The following NKD1 variants were observed in gnomAD, a reference collection of about 807,000 sequenced individuals.
NKD1 encodes the protein protein naked cuticle homolog 1.
A neutral mutation model predicts 56.0 loss-of-function variants in NKD1; 21 were observed. That is an observed-to-expected ratio of 0.38 (90% confidence interval 0.27 to 0.54). NKD1 has a LOEUF of 0.54. Among genes scored for constraint, NKD1 ranks in the 20% least tolerant of loss-of-function variants. NKD1 has a pLI of 0.82. For synonymous variants in NKD1, 263 were observed against 265.7 expected (o/e 0.99, Z 0.10); for missense variants, 578 against 642.7 (o/e 0.90, Z 1.09).
chr16:50,551,456 G>T (rs1319168013), intron 3 of NKD1, among the ~76,000 whole-genome samples: 1 of 152,254 alleles, frequency 6.6e-6, no homozygotes, highest in African/African-American at 2.4e-5. Flanking sequence ...CATGTGTCAG[G>T]TGGTTGGAGG....
rs943306167 is a variant in NKD1, at chr16:50,633,208, C to T, written c.840C>T (p.Ala280=). The T allele has an allele frequency of 1.2e-5, 20 of 1,607,352 alleles. No individual in the cohort carries two copies. Among genetic ancestry groups the T allele is most frequent in the Non-Finnish European group, 1.7e-5 (20 of 1,175,492 alleles). ...SQFGPGSPSV[A]QKSELPPRTS... Reference sequence around the variant, plus strand: ...GGTTCCTAGGCTCCCCTTCCGTGGCCCAGAAGTCAGAACTGCCCCCCCGCA... The same window carrying T: ...GGTTCCTAGGCTCCCCTTCCGTGGCTCAGAAGTCAGAACTGCCCCCCCGCA... Residue 280 remains alanine, a synonymous_variant, in exon 10 of 10, where the codon GCC becomes GCT. Transcript: ENST00000268459. This position sits in a 1 kb window ranked among gnomAD's most constrained non-coding sequence, Gnocchi z 4.9.
Position 50,646,133 on chromosome 16 carries a change from CA to C in NKD1, c.*12353del, listed in dbSNP as rs1315235394. The C allele has an allele frequency of 1.4e-4, 10 of 72,596 alleles. No homozygotes were observed. Among genetic ancestry groups the C allele is most frequent in the African/African-American group, 5.6e-4 (10 of 17,728 alleles). The allele number at this position is 72,596 out of a possible 1,614,324, so 4.5% of individuals were successfully genotyped here. A position where few individuals can be genotyped will look rare whatever the true frequency, so the allele number is the denominator to read the frequency against. On this transcript the variant is annotated 3_prime_UTR_variant, in exon 10 of 10. Coordinates refer to ENST00000268459, the MANE Select transcript of NKD1 (RefSeq NM_033119.5). ...GCTAACGGGGGCGGGGGAAGGGGGCCAGGGGGCGGCCGAAACTCTATTAGGC... is the reference window on the plus strand; with the variant it reads ...GCTAACGGGGGCGGGGGAAGGGGGCCGGGGGCGGCCGAAACTCTATTAGGC...
chr16:50,600,735 C>G (rs1048790808), intron 3 of NKD1, among the ~76,000 whole-genome samples: 3 of 152,164 alleles, frequency 2.0e-5, no homozygotes, highest in Non-Finnish European at 2.9e-5. Context: ...CAACCCGTCT[C>G]TAGGGATTAT....
Position 50,598,454 on chromosome 16 carries a change from G to A in NKD1, c.193-9840G>A, listed in dbSNP as rs986451667. On this transcript the variant is annotated intron_variant, in intron 3 of 9. Coordinates refer to ENST00000268459, the MANE Select transcript of NKD1 (RefSeq NM_033119.5). The surrounding 1 kb of genome is among the most constrained non-coding windows in gnomAD (Gnocchi z 4.2). ...GTCCCCAAGCCCCTTCCCTGGGCAG[G>A]AGCACACATCCTTTCCCCACAGTGA... Among the ~76,000 whole-genome samples the A allele has an allele frequency of 7.2e-5, 11 of 152,180 alleles. 1 individual carries two copies. Among genetic ancestry groups the A allele is most frequent in the Admixed American group, 4.6e-4 (7 of 15,292 alleles).
At chr16:50,602,230 C>G (rs1961612449) in intron 3 of NKD1, among the ~76,000 whole-genome samples, 1 of 152,124 alleles carries the variant, frequency 6.6e-6, no homozygotes, top group South Asian at 2.1e-4. Context: ...GAACTTGAGG[C>G]CCAGAAAATG....
At chr16:50,581,521 T>A (rs78867512) in intron 3 of NKD1, among the ~76,000 whole-genome samples, 4,970 of 152,348 alleles carry the variant, frequency 0.033, 135 homozygotes, top group Admixed American at 0.079. Flanking sequence ...CCTGCTATTA[T>A]GTCAGAGGCA....
At chr16:50,603,993 G>A (rs902143920) in intron 3 of NKD1, among the ~76,000 whole-genome samples, 1 of 152,248 alleles carries the variant, frequency 6.6e-6, no homozygotes, top group African/African-American at 2.4e-5. Context: ...GTCAGGTGGA[G>A]CAGAGGCCCT....
Position 50,548,418 on chromosome 16 carries a change from C to G in NKD1, c.-136C>G. 1 of 318,176 alleles carries G rather than the reference C, an allele frequency of 3.1e-6. No individual in the cohort carries two copies. The highest frequency in any genetic ancestry group is 4.8e-6 in the Non-Finnish European group (1 of 209,900). The allele number at this position is 318,176 out of a possible 1,614,324, so 19.7% of individuals were successfully genotyped here. On this transcript the variant is annotated 5_prime_UTR_variant, in exon 1 of 10. Transcript: ENST00000268459. ...GTCAGTCGGGCCGCGGCGACGGCGG[C>G]AGGAGCGCGTCCCGGCGCCGCCTCG...
intron 3 of NKD1, among the ~76,000 whole-genome samples, chr16:50,561,846 G>A (rs1345269303): frequency 6.6e-6 from 1 of 152,230 alleles, no homozygotes; most frequent in Non-Finnish European, 1.5e-5. Flanking sequence ...CATCCACACA[G>A]TCTACCGGAG....
Position 50,633,613 on chromosome 16 carries a change from C to T in NKD1, c.1245C>T (p.Gly415=). 1 of 1,610,286 alleles carries T rather than the reference C, an allele frequency of 6.2e-7. No individual in the cohort carries two copies. The highest frequency in any genetic ancestry group is 8.5e-7 in the Non-Finnish European group (1 of 1,178,966). Residue 415 remains glycine (G), a synonymous_variant, in exon 10 of 10, where the codon GGC becomes GGT. Transcript: ENST00000268459. This position sits in a 1 kb window ranked among gnomAD's most constrained non-coding sequence, Gnocchi z 4.9. ...AGGAGAGCCAGCAGGGCTGCCGGGG[C>T]CTGCAGGCACCACTGGCCTCAGGTG... The part of the protein sequence containing the change: ...RAKESQQGCR[G]LQAPLASGGP...
chr16:50,557,468 A>C (rs904349274), intron 3 of NKD1: 36 of 152,196 alleles, frequency 2.4e-4, no homozygotes, highest in African/African-American at 8.7e-4. Context: ...TTAGAATCTC[A>C]TACTCTGTTT....
Position 50,623,821 on chromosome 16 carries a change from C to T in NKD1, c.367-1664C>T, listed in dbSNP as rs542860890. 1.4e-5 allele frequency among the ~76,000 whole-genome samples: 2 copies of T among 147,200 alleles called. No individual in the cohort carries two copies. The highest frequency in any genetic ancestry group is 2.0e-4 in the East Asian group (1 of 5,032). ...ATAGGGGTATACCTGTGTAGGTATG[C>T]GTGTGTGTAGGTACGTGTGTAGGGG... On this transcript the variant is annotated intron_variant, in intron 5 of 9. Transcript: ENST00000268459. This position sits in a 1 kb window ranked among gnomAD's most constrained non-coding sequence, Gnocchi z 4.1.
intron 3 of NKD1, among the ~76,000 whole-genome samples, chr16:50,564,815 A>G (rs1485443276): frequency 1.3e-5 from 2 of 152,050 alleles, no homozygotes; most frequent in Non-Finnish European, 2.9e-5. Flanking sequence ...ATTAAGTCGT[A>G]CGCATGGTTA....
Position 50,582,892 on chromosome 16 carries a change from A to T in NKD1, c.193-25402A>T, listed in dbSNP as rs185640802. Among the ~76,000 whole-genome samples, 45 of 152,306 alleles carry T rather than the reference A, an allele frequency of 3.0e-4. No homozygotes were observed. In the East Asian group the frequency reaches 8.1e-3, roughly 27 times the overall value. On this transcript the variant is annotated intron_variant, in intron 3 of 9. Transcript: ENST00000268459. Reference sequence around the variant, plus strand: ...TGTGGTGGTGGGCACCTATAATCCCAGCTACTTGGGAGGCTGAGGCAGGAG... The same window carrying T: ...TGTGGTGGTGGGCACCTATAATCCCTGCTACTTGGGAGGCTGAGGCAGGAG...
At chr16:50,601,968 C>T (rs1961606687) in intron 3 of NKD1, among the ~76,000 whole-genome samples, 1 of 152,232 alleles carries the variant, frequency 6.6e-6, no homozygotes, top group South Asian at 2.1e-4. Flanking sequence ...CAGGAGCCCT[C>T]TCAAAAGGCT....
chr16:50,571,983 C>G (rs759250451), intron 3 of NKD1, among the ~76,000 whole-genome samples: 13 of 152,184 alleles, frequency 8.5e-5, no homozygotes, highest in Non-Finnish European at 1.3e-4. Context: ...CCTTCTGGAA[C>G]ACACCCATCA....
chr16:50,554,637 TTATTATTATTTTTTAGACACA>T (rs1443958245), intron 3 of NKD1, among the ~76,000 whole-genome samples: 2 of 152,152 alleles, frequency 1.3e-5, no homozygotes, highest in Admixed American at 1.3e-4. Context: ...TCTTTGTTTA[TTATTATTATTTTTTAGACACA>T]TAGTTTCACT....
At chr16:50,579,224 C>A (rs866385753) in intron 3 of NKD1, among the ~76,000 whole-genome samples, 1 of 150,874 alleles carries the variant, frequency 6.6e-6, no homozygotes, top group Non-Finnish European at 1.5e-5. Context: ...TAACCCGCCA[C>A]GCATGCACTG....
At chr16:50,577,369 T>C (rs1348304228) in intron 3 of NKD1, among the ~76,000 whole-genome samples, 1 of 152,206 alleles carries the variant, frequency 6.6e-6, no homozygotes, top group African/African-American at 2.4e-5. Context: ...AAGCTATGCT[T>C]AATTAATATA....
Sources: allele counts gnomAD v4.1 joint callset (sites outside exome capture counted in the v4.1 genomes callset), GRCh38; gene constraint gnomAD v4.1.1; non-coding constraint Gnocchi (gnomAD v3.1); transcripts MANE v1.5; gene names NCBI Gene and HGNC (gene_info 2026-07-23, HGNC 2026-07-21).